Variants in NCOA7 observed in about 807,000 individuals in gnomAD.
NCOA7 encodes 140 kDa estrogen receptor-associated protein.
NCOA7 carries 45 observed loss-of-function variants against 104.3 expected under a neutral mutation model. The ratio of observed to expected loss-of-function variants is 0.43; its 90% CI spans 0.34 to 0.55. The LOEUF (loss-of-function observed/expected upper bound fraction) is 0.55, where lower values mean the gene tolerates loss of function less well. NCOA7 is among the 20% of genes least tolerant of loss of function. NCOA7 has a pLI of 0.02. For missense variants in NCOA7, 1,041 were observed against 1,119.7 expected, an observed-to-expected ratio of 0.93 and a Z score of 1.00; for synonymous variants, 398 against 402.3, an observed-to-expected ratio of 0.99 and a Z score of 0.13.
intron 2 of NCOA7, among the ~76,000 whole-genome samples, chr6:125,847,409 G>A (rs949492684): frequency 6.6e-5 from 10 of 152,260 alleles, no homozygotes; most frequent in East Asian, 1.9e-4. Flanking sequence ...AGTAACTATC[G>A]GTGACTGGCT....
chr6:125,923,986 A>G (rs999790843), intron 13 of NCOA7, among the ~76,000 whole-genome samples: 10 of 152,220 alleles, frequency 6.6e-5, no homozygotes, highest in South Asian at 2.1e-4. Flanking sequence ...TTTAGCTGTC[A>G]TTGTTACTAT....
chr6:125,795,653 T>C (rs1775248882), intron 1 of NCOA7, among the ~76,000 whole-genome samples: 1 of 152,162 alleles, frequency 6.6e-6, no homozygotes, highest in South Asian at 2.1e-4. Context: ...GCTGTCCCCA[T>C]TTCAGCAGGC....
At chr6:125,813,773 C>A (rs1273009689) in intron 1 of NCOA7, among the ~76,000 whole-genome samples, 1 of 152,022 alleles carries the variant, frequency 6.6e-6, no homozygotes, top group African/African-American at 2.4e-5. Flanking sequence ...TAACCTACAA[C>A]CTTAGTGTGT....
At chr6:125,893,104 G>T (rs796194720) in intron 10 of NCOA7, among the ~76,000 whole-genome samples, 2 of 152,220 alleles carry the variant, frequency 1.3e-5, no homozygotes, top group African/African-American at 4.8e-5. Flanking sequence ...GAGCTAAGAA[G>T]TGGCATGTAC....
chr6:125,857,801 G>C (rs534304957), intron 3 of NCOA7, among the ~76,000 whole-genome samples: 1 of 151,972 alleles, frequency 6.6e-6, no homozygotes, highest in East Asian at 1.9e-4. Context: ...GGCCAGGCTG[G>C]TCTTGAACTC....
chr6:125,818,807 TA>T (rs1777844795), intron 2 of NCOA7: 1 of 152,354 alleles, frequency 6.6e-6, no homozygotes, highest in Non-Finnish European at 1.5e-5. Flanking sequence ...CAACAGAACT[TA>T]CTTGAAAGCT....
chr6:125,894,598 G>A (rs980676360), intron 10 of NCOA7, among the ~76,000 whole-genome samples: 1 of 152,074 alleles, frequency 6.6e-6, no homozygotes, highest in Non-Finnish European at 1.5e-5. Context: ...CAATGCAGAG[G>A]ATACCTTACA....
At chr6:125,896,241 T>C (rs532844933) in intron 10 of NCOA7, among the ~76,000 whole-genome samples, 21 of 152,064 alleles carry the variant, frequency 1.4e-4, no homozygotes, top group African/African-American at 5.1e-4. Flanking sequence ...GTTTAAGGCT[T>C]TAAATACATG....
At chr6:125,802,854 A>AT (rs918498571) in intron 1 of NCOA7, among the ~76,000 whole-genome samples, 8 of 151,818 alleles carry the variant, frequency 5.3e-5, no homozygotes, top group African/African-American at 1.9e-4. Flanking sequence ...TACACACATA[A>AT]TTTTTTTTTC....
chr6:125,814,067 G>A (rs1011858898), intron 1 of NCOA7, among the ~76,000 whole-genome samples: 4 of 152,066 alleles, frequency 2.6e-5, no homozygotes, highest in Non-Finnish European at 5.9e-5. Flanking sequence ...CTTTCATGTA[G>A]TATGTATTGT....
chr6:125,821,819 T>C (rs1381966836), intron 2 of NCOA7, among the ~76,000 whole-genome samples: 1 of 151,876 alleles, frequency 6.6e-6, no homozygotes, highest in Non-Finnish European at 1.5e-5. Context: ...TTGCCCATGA[T>C]AGAAATGAAT....
chr6:125,928,862 T>TGCCTCATCCCACCCC lies in NCOA7; in HGVS notation c.*92_*106dup. ...TGGAAAAAGAAGCCCCAGCCCAGCC[T>TGCCTCATCCCACCCC]GCCTCATCCCACCCCAATGCTTCCT... On this transcript the variant is annotated 3_prime_UTR_variant, in exon 16 of 16. Coordinates refer to ENST00000392477, the MANE Select transcript of NCOA7 (RefSeq NM_181782.5). 1 of 1,398,428 alleles carries TGCCTCATCCCACCCC rather than the reference T, an allele frequency of 7.2e-7. No homozygotes were observed. The highest frequency in any genetic ancestry group is 9.7e-7 in the Non-Finnish European group (1 of 1,036,224). 86.6% of individuals were successfully genotyped at this position (1,398,428 alleles called of 1,614,324 possible).
At chr6:125,839,647 G>C (rs1259748770) in intron 2 of NCOA7, among the ~76,000 whole-genome samples, 4 of 152,070 alleles carry the variant, frequency 2.6e-5, no homozygotes, top group Non-Finnish European at 5.9e-5. Context: ...TAGGAAGTCT[G>C]TGCCAGGAAC....
chr6:125,882,231 A>G (rs538010924), intron 6 of NCOA7, among the ~76,000 whole-genome samples, 195 bp from the exon 7 acceptor site: 1 of 141,794 alleles, frequency 7.1e-6, no homozygotes, highest in Non-Finnish European at 1.5e-5. Context: ...TTTTTAAAAG[A>G]AAAAAAAAAC....
chr6:125,871,992 G>C (rs1418399777), intron 3 of NCOA7, among the ~76,000 whole-genome samples: 1 of 122,306 alleles, frequency 8.2e-6, no homozygotes, highest in Non-Finnish European at 1.6e-5. Context: ...GGGAGACCCT[G>C]TCTCAGAAAA....
chr6:125,850,325 AGATTATCT>A (rs2128614658), intron 2 of NCOA7, among the ~76,000 whole-genome samples: 1 of 152,328 alleles, frequency 6.6e-6, no homozygotes, highest in African/African-American at 2.4e-5. Flanking sequence ...TCAAAACAAA[AGATTATCT>A]GATTGTAGAA....
At chr6:125,924,958 G>A (rs1483357134) in intron 13 of NCOA7, among the ~76,000 whole-genome samples, 7 of 152,122 alleles carry the variant, frequency 4.6e-5, no homozygotes, top group African/African-American at 1.7e-4. Context: ...CTAGAGGTAG[G>A]GGGCTTTCTT....
chr6:125,818,306 A>G (rs1777794259), intron 2 of NCOA7, among the ~76,000 whole-genome samples: 1 of 152,212 alleles, frequency 6.6e-6, no homozygotes, highest in Non-Finnish European at 1.5e-5. Flanking sequence ...AACTGAGAAT[A>G]CAAACCAAAA....
chr6:125,922,857 A>G, intron 13 of NCOA7, 23 bp downstream of exon 13: 1 of 1,604,062 alleles, frequency 6.2e-7, no homozygotes, highest in Non-Finnish European at 8.5e-7. Context: ...CCTCTCATAA[A>G]GAATATTTTT....
Sources: allele counts gnomAD v4.1 joint callset (sites outside exome capture counted in the v4.1 genomes callset), GRCh38; gene constraint gnomAD v4.1.1; transcripts MANE v1.5; gene names NCBI Gene and HGNC (gene_info 2026-07-23, HGNC 2026-07-21).